The following DPY19L2 variants were observed in gnomAD, a reference collection of about 807,000 sequenced individuals.
The protein encoded by DPY19L2 is probable C-mannosyltransferase DPY19L2.
Under a neutral mutation model 97.9 loss-of-function variants are expected in DPY19L2, and 34 were observed. That is an observed-to-expected ratio of 0.35 (90% CI 0.26 to 0.46). The LOEUF is 0.46. Among genes scored for constraint, DPY19L2 ranks in the 20% least tolerant of loss-of-function variants. DPY19L2 has a pLI of 1.00. For missense variants in DPY19L2, 623 were observed against 911.4 expected, an observed-to-expected ratio of 0.68 and a Z score of 4.07; for synonymous variants, 230 against 307.9, an observed-to-expected ratio of 0.75 and a Z score of 2.65.
intron 16 of DPY19L2, among the ~76,000 whole-genome samples, chr12:63,591,985 G>GAAAAGAAAA (rs1565728300): frequency 3.8e-5 from 2 of 53,294 alleles, no homozygotes; most frequent in Admixed American, 2.2e-4. Context: ...AGAGGGGAAG[G>GAAAAGAAAA]GAAGGGAAGG....
intron 7 of DPY19L2, among the ~76,000 whole-genome samples, chr12:63,625,582 CTT>C (rs1889393406): frequency 6.6e-6 from 1 of 152,018 alleles, no homozygotes; most frequent in Non-Finnish European, 1.5e-5. Flanking sequence ...TTGAAATAAG[CTT>C]CTATGAGCTC....
At chr12:63,580,198 T>A (rs889077516) in intron 19 of DPY19L2, among the ~76,000 whole-genome samples, 1 of 152,130 alleles carries the variant, frequency 6.6e-6, no homozygotes, top group African/African-American at 2.4e-5. Context: ...TGACCTGTTT[T>A]ACAGAATTAG....
intron 19 of DPY19L2, among the ~76,000 whole-genome samples, chr12:63,579,912 A>C (rs1349508072): frequency 1.3e-5 from 2 of 152,166 alleles, no homozygotes; most frequent in Non-Finnish European, 2.9e-5. Context: ...AGAAAATTTA[A>C]ATAAATCATA....
At chr12:63,633,765 G>GTTTTTTTGTTTGTTTGT (rs1565809312) in intron 6 of DPY19L2, among the ~76,000 whole-genome samples, 8 of 152,104 alleles carry the variant, frequency 5.3e-5, no homozygotes, top group African/African-American at 1.7e-4. Context: ...ACATGCACAC[G>GTTTTTTTGTTTGTTTGT]TATGTTTATT....
At chr12:63,655,267 A>C (rs183842426) in intron 4 of DPY19L2, among the ~76,000 whole-genome samples, 10 of 152,304 alleles carry the variant, frequency 6.6e-5, no homozygotes, top group African/African-American at 1.9e-4. Flanking sequence ...CCATAATGAT[A>C]TATCACTACA....
At chr12:63,606,066 A>T (rs946404336) in intron 12 of DPY19L2, among the ~76,000 whole-genome samples, 2 of 152,132 alleles carry the variant, frequency 1.3e-5, no homozygotes, top group Non-Finnish European at 2.9e-5. Context: ...GGCATATTTT[A>T]AAAAAATATG....
chr12:63,578,425 T>G (rs1880273115), intron 19 of DPY19L2, among the ~76,000 whole-genome samples: 1 of 152,086 alleles, frequency 6.6e-6, no homozygotes, highest in South Asian at 2.1e-4. Flanking sequence ...TCAACAAAAT[T>G]TTACTGCACA....
At chr12:63,565,599 T>A (rs556588209) in intron 21 of DPY19L2, among the ~76,000 whole-genome samples, 2 of 152,286 alleles carry the variant, frequency 1.3e-5, no homozygotes, top group African/African-American at 4.8e-5. Context: ...AGTAACGTAA[T>A]TCACAATTTC....
intron 5 of DPY19L2, among the ~76,000 whole-genome samples, chr12:63,645,351 AT>A (rs1386321105): frequency 6.6e-6 from 1 of 152,052 alleles, no homozygotes; most frequent in African/African-American, 2.4e-5. Flanking sequence ...ACTCTTTAAT[AT>A]TGGACCACCT....
At chr12:63,663,665 A>AC in intron 3 of DPY19L2, 93 bp downstream of exon 3, 1 of 998,656 alleles carries the variant, frequency 1.0e-6, no homozygotes, top group Non-Finnish European at 1.5e-6. Flanking sequence ...AGTGCAGTTG[A>AC]CCAGAAGTTC....
At position 63,574,424 on chromosome 12, in the gene DPY19L2, G is replaced by A. The variant is rs1879443831; in HGVS notation, c.1901-3567C>T. 1.3e-5 allele frequency among the ~76,000 whole-genome samples: 2 copies of A among 151,798 alleles called. 1 individual carries two copies. Among genetic ancestry groups the A allele is most frequent in the South Asian group, 4.2e-4 (2 of 4,808 alleles). ...GGAAGAGAAGACCACAAAACAATGA[G>A]AAAACAAATAACGAAATGGCAGGGG... On this transcript the variant is annotated intron_variant, in intron 19 of 21. Coordinates refer to ENST00000324472, the MANE Select transcript of DPY19L2 (RefSeq NM_173812.5).
chr12:63,640,804 G>A (rs992667981), intron 6 of DPY19L2, among the ~76,000 whole-genome samples: 1 of 152,118 alleles, frequency 6.6e-6, no homozygotes, highest in African/African-American at 2.4e-5. Flanking sequence ...TTTAGTCATT[G>A]TTGTGTAACA....
chr12:63,603,971 A>G (rs1400796247), intron 12 of DPY19L2, among the ~76,000 whole-genome samples: 1 of 152,216 alleles, frequency 6.6e-6, no homozygotes, highest in African/African-American at 2.4e-5. Flanking sequence ...AAACTCAGAA[A>G]TAAAACCACG....
At chr12:63,651,642 G>T in intron 4 of DPY19L2, 1 of 375,662 alleles carries the variant, frequency 2.7e-6, no homozygotes. Flanking sequence ...AAAAATCTCC[G>T]GCCCTACAGA....
intron 11 of DPY19L2, among the ~76,000 whole-genome samples, chr12:63,614,998 C>A (rs11175071): frequency 0.68 from 102,842 of 151,878 alleles, 35,160 homozygotes; most frequent in African/African-American, 0.75. Flanking sequence ...ACAAGAGAGA[C>A]CTGGAAAAAC....
chr12:63,582,108 A>G (rs1385305583), intron 18 of DPY19L2, among the ~76,000 whole-genome samples: 1 of 151,840 alleles, frequency 6.6e-6, no homozygotes, highest in Non-Finnish European at 1.5e-5. Context: ...GCACTCTTAC[A>G]CAAACCTGAA....
At chr12:63,612,886 C>T (rs1430107207) in intron 11 of DPY19L2, among the ~76,000 whole-genome samples, 1 of 151,858 alleles carries the variant, frequency 6.6e-6, no homozygotes, top group Non-Finnish European at 1.5e-5. Flanking sequence ...AAATATTATG[C>T]CTTTGTCAAT....
chr12:63,620,262 T>C (rs552429628), intron 9 of DPY19L2: 1 of 235,246 alleles, frequency 4.3e-6, no homozygotes, highest in East Asian at 1.3e-4. Flanking sequence ...ACTTAAGCAA[T>C]GATGAGCTTT....
chr12:63,653,570 A>C (rs1311081631), intron 4 of DPY19L2, among the ~76,000 whole-genome samples: 2 of 152,158 alleles, frequency 1.3e-5, no homozygotes, highest in African/African-American at 2.4e-5. Context: ...TACATACATA[A>C]ATAAATAAAA....
Sources: allele counts gnomAD v4.1 joint callset (sites outside exome capture counted in the v4.1 genomes callset), GRCh38; gene constraint gnomAD v4.1.1; transcripts MANE v1.5; gene names NCBI Gene and HGNC (gene_info 2026-07-23, HGNC 2026-07-21).